The following EIF2AK1 variants were observed in gnomAD, a reference collection of about 807,000 sequenced individuals.
The protein encoded by EIF2AK1 is eukaryotic translation initiation factor 2 alpha kinase 1, also known as eukaryotic translation initiation factor 2-alpha kinase 1.
In EIF2AK1, 54 loss-of-function variants were observed where a neutral mutation model predicts 77.9. The observed-to-expected ratio is 0.69, with a 90% confidence interval of 0.56 to 0.87. The LOEUF is 0.87. Ranked by LOEUF, EIF2AK1 falls within the 40% of genes least tolerant of loss-of-function variation. EIF2AK1 has a pLI of 0.00. For synonymous variants in EIF2AK1, 314 were observed against 290.5 expected (o/e 1.08, Z -0.82); for missense variants, 810 against 768.6 (o/e 1.05, Z -0.64).
chr7:6,030,788 C>T (rs987517933), intron 11 of EIF2AK1, among the ~76,000 whole-genome samples: 6 of 152,254 alleles, frequency 3.9e-5, no homozygotes, highest in Non-Finnish European at 5.9e-5. Flanking sequence ...TGAGCGACCG[C>T]ACCCAGCCAA....
chr7:6,025,783 C>T (rs1221448078), intron 14 of EIF2AK1, among the ~76,000 whole-genome samples: 2 of 151,912 alleles, frequency 1.3e-5, no homozygotes, highest in Non-Finnish European at 2.9e-5. Context: ...TACAGGTGTG[C>T]ACCACCACGC....
Position 6,038,325 on chromosome 7 carries a change from C to T in EIF2AK1, c.1231+235G>A, listed in dbSNP as rs188566574. On this transcript the variant is annotated intron_variant, in intron 10 of 14. Transcript: ENST00000199389. ...TGGCATGCACCTGTAGTCCCAGCTACTCAGGAGGCTGAGGTGGGAGGATCG... is the reference window on the plus strand; with the variant it reads ...TGGCATGCACCTGTAGTCCCAGCTATTCAGGAGGCTGAGGTGGGAGGATCG... Among the ~76,000 whole-genome samples, 1,010 of 152,212 alleles carry T rather than the reference C, an allele frequency of 6.6e-3. 3 individuals are homozygous for T. The highest frequency in any genetic ancestry group is 9.3e-3 in the Non-Finnish European group (634 of 68,020).
rs1787975335 is a variant in EIF2AK1, at chr7:6,033,476, T to G, written c.1332+3948A>C. Among the ~76,000 whole-genome samples, 1 of 152,222 alleles carries G rather than the reference T, an allele frequency of 6.6e-6. No individual in the cohort carries two copies. Among genetic ancestry groups the G allele is most frequent in the South Asian group, 2.1e-4 (1 of 4,834 alleles). ...AATGCACATTCTGAGGATTAAGAGC[T>G]CAATGGTGGTGTTGTGAGGAATGCA... On this transcript the variant is annotated intron_variant, in intron 11 of 14. Coordinates refer to ENST00000199389, the MANE Select transcript of EIF2AK1 (RefSeq NM_014413.4). The surrounding 1 kb of genome is among the most constrained non-coding windows in gnomAD (Gnocchi z 4.4).
chr7:6,057,704 T>C (rs930940468), intron 1 of EIF2AK1: 1 of 155,138 alleles, frequency 6.4e-6, no homozygotes, highest in African/African-American at 2.4e-5. Context: ...CTCGGCTCAC[T>C]TCAACCTCTG....
In EIF2AK1 at chr7:6,031,346, C is replaced by A. The variant is rs114269038; in HGVS notation, c.1333-2314G>T. 570 of 1,535,626 alleles carry A rather than the reference C, an allele frequency of 3.7e-4. 2 individuals are homozygous for A. The African/African-American group carries it at 7.3e-3, about 20-fold the overall frequency. On this transcript the variant is annotated intron_variant, in intron 11 of 14. Coordinates refer to ENST00000199389, the MANE Select transcript of EIF2AK1 (RefSeq NM_014413.4). The stretch of plus-strand genomic sequence containing the variant: ...CTGAAACTGACCAATTCCATAACAA[C>A]ATTTTCCCCTGAAGTCTTAAGTTTT...
chr7:6,024,237 C>T lies in EIF2AK1; in HGVS notation c.*436G>A, dbSNP rs1787672881. 8.2e-7 allele frequency: 1 copy of T among 1,218,702 alleles called. No homozygotes were observed. Among genetic ancestry groups the T allele is most frequent in the South Asian group, 1.5e-5 (1 of 67,754 alleles). 75.5% of individuals were successfully genotyped at this position (1,218,702 alleles called of 1,614,324 possible). A position where few individuals can be genotyped will look rare whatever the true frequency, so the allele number is the denominator to read the frequency against. On this transcript the variant is annotated 3_prime_UTR_variant, in exon 15 of 15. Transcript: ENST00000199389. ...CCAAGGAATGAAATGATGAGGCGTC[C>T]TTCAGGTAATGAACTTCAGCTGCAG...
intron 6 of EIF2AK1, 21 bp from the exon 7 acceptor site, chr7:6,044,682 G>C (rs747384733): frequency 4.4e-6 from 7 of 1,599,138 alleles, no homozygotes; most frequent in Non-Finnish European, 6.0e-6. Flanking sequence ...AATGGAAGTA[G>C]ATCTGCCTTT....
intron 1 of EIF2AK1, chr7:6,058,026 T>C (rs1788838181): frequency 7.5e-6 from 3 of 399,364 alleles, no homozygotes; most frequent in Admixed American, 3.3e-5. Flanking sequence ...TGTGGACTCT[T>C]TCACCTAGTT....
At chr7:6,028,798 G>A in intron 12 of EIF2AK1, 101 bp from the exon 13 acceptor site, 3 of 1,411,396 alleles carry the variant, frequency 2.1e-6, no homozygotes, top group Admixed American at 1.9e-5. Context: ...GAGAACAACA[G>A]TTGCTTTGTA....
rs1787555831 is a variant in EIF2AK1 at position 6,023,138 on chromosome 7, T to C, written c.*1535A>G. On this transcript the variant is annotated 3_prime_UTR_variant, in exon 15 of 15. Coordinates refer to ENST00000199389, the MANE Select transcript of EIF2AK1 (RefSeq NM_014413.4). ...TAGTTTGCACTTAAACCCTTTTCAG[T>C]AGTAAGCATCTTAGAGACAGACTGA... The C allele has an allele frequency of 1.3e-6, 1 of 783,396 alleles. No individual in the cohort carries two copies. The highest frequency in any genetic ancestry group is 2.0e-6 in the Non-Finnish European group (1 of 510,682). The allele number at this position is 783,396 out of a possible 1,614,324, so 48.5% of individuals were successfully genotyped here. A position where few individuals can be genotyped will look rare whatever the true frequency, so the allele number is the denominator to read the frequency against.
chr7:6,046,879 G>A (rs962193202), intron 5 of EIF2AK1, 113 bp downstream of exon 5: 74 of 1,000,942 alleles, frequency 7.4e-5, no homozygotes, highest in Admixed American at 3.1e-4. Flanking sequence ...CCAGCCTGGC[G>A]ACAGAGCGAG....
Position 6,035,840 on chromosome 7 carries a change from G to T in EIF2AK1, c.1332+1584C>A. 1 of 1,548,346 alleles carries T rather than the reference G, an allele frequency of 6.5e-7. No individual in the cohort carries two copies. On this transcript the variant is annotated intron_variant, in intron 11 of 14. Transcript: ENST00000199389. This position sits in a 1 kb window ranked among gnomAD's most constrained non-coding sequence, Gnocchi z 5.5. The stretch of plus-strand genomic sequence containing the variant: ...GTGCTGTCTCTTCCACGGGGAACAC[G>T]CCCCTGAAGCTTGCAGTGTGCACTG...
rs1327078105 is a variant in EIF2AK1, at chr7:6,029,016, AG to A, written c.1348del (p.Leu450PhefsTer8). 1 of 1,610,746 alleles carries A rather than the reference AG, an allele frequency of 6.2e-7. No individual in the cohort carries two copies. Among genetic ancestry groups the A allele is most frequent in the Non-Finnish European group, 8.5e-7 (1 of 1,179,344 alleles). On this transcript the variant is annotated frameshift_variant, in exon 12 of 15. Coordinates refer to ENST00000199389, the MANE Select transcript of EIF2AK1 (RefSeq NM_014413.4). LOFTEE classifies it high-confidence loss of function. ...HRDLKPRNIFLHGPDQQVKIG... is the reference protein window; with the variant it reads ...HRDLKPRNIFXHGPDQQVKIG... ...TTTTACTTGCTGATCAGGGCCATGA[AG>A]AAAAATATTTCTTGGCTATCAACAA... is the stretch of plus-strand genomic sequence containing the variant.
At chr7:6,028,294 C>T (rs538181001) in intron 13 of EIF2AK1, among the ~76,000 whole-genome samples, 1 of 151,084 alleles carries the variant, frequency 6.6e-6, no homozygotes, top group Non-Finnish European at 1.5e-5. Flanking sequence ...TCTTGTCATC[C>T]AGGATGGAGT....
Position 6,029,017 on chromosome 7 carries a change from G to GA in EIF2AK1, c.1347dup (p.Leu450SerfsTer5), listed in dbSNP as rs1272046600. 2.5e-6 allele frequency: 4 copies of GA among 1,609,858 alleles called. No individual in the cohort carries two copies. Among genetic ancestry groups the GA allele is most frequent in the African/African-American group, 1.3e-5 (1 of 74,610 alleles). ...TTTACTTGCTGATCAGGGCCATGAA[G>GA]AAAAATATTTCTTGGCTATCAACAA... On this transcript the variant is annotated frameshift_variant, in exon 12 of 15. Coordinates refer to ENST00000199389, the MANE Select transcript of EIF2AK1 (RefSeq NM_014413.4). LOFTEE classifies it high-confidence loss of function.
At chr7:6,058,674 G>A (rs1788863458) in intron 1 of EIF2AK1, among the ~76,000 whole-genome samples, 1 of 152,210 alleles carries the variant, frequency 6.6e-6, no homozygotes, top group Non-Finnish European at 1.5e-5. Context: ...GCAAGACGGT[G>A]GCCTCGGGGA....
chr7:6,048,792 G>T lies in EIF2AK1; in HGVS notation c.449+15C>A, dbSNP rs760763759. On this transcript the variant is annotated intron_variant, in intron 4 of 14. Transcript: ENST00000199389. ...TTCAATAGTCTGCATAATCAAGAAA[G>T]TTTTTCACACATACCTGATTTTCTG... 1 of 1,575,722 alleles carries T rather than the reference G, an allele frequency of 6.3e-7. No individual in the cohort carries two copies. Among genetic ancestry groups the T allele is most frequent in the South Asian group, 1.2e-5 (1 of 83,414 alleles).
Position 6,054,490 on chromosome 7 carries a change from C to G in EIF2AK1, c.277+56G>C. The G allele has an allele frequency of 5.0e-6, 8 of 1,597,212 alleles. No homozygotes were observed. In the East Asian group the frequency reaches 1.6e-4, roughly 31 times the overall value. On this transcript the variant is annotated intron_variant, in intron 2 of 14. Transcript: ENST00000199389. ...AAGTGCTGGGATTACAGGCATGAAC[C>G]ACGGAGCCCAGCCTTTACAAGCTTT... is the stretch of plus-strand genomic sequence containing the variant.
At chr7:6,042,902 AG>A (rs1282759683) in intron 8 of EIF2AK1, 30 bp downstream of exon 8, 1 of 1,582,274 alleles carries the variant, frequency 6.3e-7, no homozygotes, top group Non-Finnish European at 8.7e-7. Flanking sequence ...AGGTGACAAG[AG>A]GTAATGTCCT....
Sources: allele counts gnomAD v4.1 joint callset (sites outside exome capture counted in the v4.1 genomes callset), GRCh38; gene constraint gnomAD v4.1.1; non-coding constraint Gnocchi (gnomAD v3.1); transcripts MANE v1.5; gene names NCBI Gene and HGNC (gene_info 2026-07-23, HGNC 2026-07-21).